CBLB: variants seen among roughly 807,000 people sequenced by gnomAD.
The protein encoded by CBLB is E3 ubiquitin-protein ligase CBL-B.
A neutral mutation model predicts 104.9 loss-of-function variants in CBLB; 31 were observed. The observed-to-expected ratio is 0.30, with a 90% CI of 0.22 to 0.40. The LOEUF (loss-of-function observed/expected upper bound fraction) is 0.40, where lower values mean the gene tolerates loss of function less well. Among genes scored for constraint, CBLB ranks in the 10% least tolerant of loss-of-function variants. The pLI is 1.00. For missense variants in CBLB, 1,062 were observed against 1,214.6 expected, an observed-to-expected ratio of 0.87 and a Z score of 1.87; for synonymous variants, 440 against 422.6, an observed-to-expected ratio of 1.04 and a Z score of -0.51.
intron 3 of CBLB, among the ~76,000 whole-genome samples, chr3:105,852,394 A>G (rs539703883): frequency 1.3e-5 from 2 of 152,310 alleles, no homozygotes; most frequent in East Asian, 3.9e-4. Context: ...AAAAGTTTAT[A>G]AAATTTTTTT....
chr3:105,817,102 C>T lies in CBLB; in HGVS notation c.419+36312G>A, dbSNP rs553917777. Among the ~76,000 whole-genome samples, 7 of 151,786 alleles carry T rather than the reference C, an allele frequency of 4.6e-5. No individual in the cohort carries two copies. In the East Asian group the frequency reaches 1.2e-3, roughly 25 times the overall value. ...CATGAAAATGAGAAGAAGACAAGTC[C>T]GTAGTAGTGAGAAATAAGACGGCAT... On this transcript the variant is annotated intron_variant, in intron 3 of 18. Transcript: ENST00000394030.
chr3:105,804,905 A>T (rs1322399229), intron 3 of CBLB, among the ~76,000 whole-genome samples: 1 of 152,098 alleles, frequency 6.6e-6, no homozygotes, highest in East Asian at 1.9e-4. Flanking sequence ...TCCCATCTCT[A>T]ATACCCTCCA....
At chr3:105,806,450 T>C (rs149852223) in intron 3 of CBLB, among the ~76,000 whole-genome samples, 113 of 125,894 alleles carry the variant, frequency 9.0e-4, no homozygotes, top group African/African-American at 3.1e-3. Flanking sequence ...TAACTATTTA[T>C]ATGGGTTTGT....
At chr3:105,762,567 T>C (rs973267565) in intron 4 of CBLB, among the ~76,000 whole-genome samples, 1 of 152,186 alleles carries the variant, frequency 6.6e-6, no homozygotes, top group Non-Finnish European at 1.5e-5. Flanking sequence ...TTCCACATGG[T>C]GTTTGAGCCT....
intron 4 of CBLB, among the ~76,000 whole-genome samples, chr3:105,771,986 AATACCATCAAC>A (rs1560171619): frequency 6.6e-6 from 1 of 152,172 alleles, no homozygotes. Context: ...TTCCCATCAA[AATACCATCAAC>A]ATTCTTCACA....
chr3:105,861,485 T>C (rs976164046), intron 2 of CBLB, among the ~76,000 whole-genome samples: 7 of 152,088 alleles, frequency 4.6e-5, no homozygotes, highest in Admixed American at 2.6e-4. Flanking sequence ...CCTGTGTAAG[T>C]GGAAGTTACA....
intron 17 of CBLB, chr3:105,673,747 T>C (rs1249141660): frequency 6.6e-6 from 1 of 152,228 alleles, no homozygotes; most frequent in Non-Finnish European, 1.5e-5. Flanking sequence ...GGAAACTTCT[T>C]TGTAGGATGA....
chr3:105,775,133 A>G (rs1490343099), intron 4 of CBLB, among the ~76,000 whole-genome samples: 1 of 152,248 alleles, frequency 6.6e-6, no homozygotes, highest in East Asian at 1.9e-4. Context: ...TATGAACATT[A>G]TAAATAACTA....
At chr3:105,769,192 C>T (rs375539408) in intron 4 of CBLB, among the ~76,000 whole-genome samples, 15 of 152,054 alleles carry the variant, frequency 9.9e-5, no homozygotes, top group African/African-American at 3.4e-4. Context: ...GTGGTGCATG[C>T]CTGTAATCCC....
At chr3:105,732,988 C>T (rs1330839551) in intron 9 of CBLB, among the ~76,000 whole-genome samples, 1 of 152,098 alleles carries the variant, frequency 6.6e-6, no homozygotes, top group Non-Finnish European at 1.5e-5. Context: ...TCAAAATATT[C>T]CATGACTCCT....
At chr3:105,728,816 C>T (rs2073983130) in intron 9 of CBLB, among the ~76,000 whole-genome samples, 1 of 152,114 alleles carries the variant, frequency 6.6e-6, no homozygotes, top group Non-Finnish European at 1.5e-5. Flanking sequence ...CATCTGACAC[C>T]TCTTCAGAGG....
chr3:105,684,481 A>G (rs1240997871), intron 14 of CBLB, among the ~76,000 whole-genome samples: 2 of 152,178 alleles, frequency 1.3e-5, no homozygotes, highest in African/African-American at 4.8e-5. Flanking sequence ...CTTCCAAGTC[A>G]AAGACCAAGG....
chr3:105,703,946 C>G, intron 11 of CBLB, 42 bp downstream of exon 11: 1 of 1,564,334 alleles, frequency 6.4e-7, no homozygotes, highest in African/African-American at 1.4e-5. Context: ...CAATAATTGT[C>G]TTACAAAATT....
At chr3:105,736,987 C>T (rs1244859143) in intron 8 of CBLB, among the ~76,000 whole-genome samples, 184 bp downstream of exon 8, 1 of 152,052 alleles carries the variant, frequency 6.6e-6, no homozygotes, top group Non-Finnish European at 1.5e-5. Flanking sequence ...ATTTTAACAG[C>T]ATAAATTTGT....
intron 18 of CBLB, among the ~76,000 whole-genome samples, chr3:105,669,288 C>T (rs978152745): frequency 5.9e-5 from 9 of 152,136 alleles, no homozygotes; most frequent in African/African-American, 1.9e-4. Flanking sequence ...CAGGGGAAGC[C>T]CTCATGAAAG....
intron 7 of CBLB, among the ~76,000 whole-genome samples, chr3:105,739,591 T>A (rs1235514861): frequency 6.6e-6 from 1 of 152,116 alleles, no homozygotes; most frequent in Admixed American, 6.5e-5. Flanking sequence ...GGGGGAGAAT[T>A]CATTATTAAT....
chr3:105,801,571 T>C (rs1467315237), intron 3 of CBLB, among the ~76,000 whole-genome samples: 1 of 152,252 alleles, frequency 6.6e-6, no homozygotes, highest in African/African-American at 2.4e-5. Context: ...CCCACATCAC[T>C]GCATTCATTT....
At chr3:105,689,764 T>C (rs896308669) in intron 13 of CBLB, among the ~76,000 whole-genome samples, 1 of 151,876 alleles carries the variant, frequency 6.6e-6, no homozygotes, top group African/African-American at 2.4e-5. Context: ...AGGATTATTT[T>C]GTTCTCCCTC....
intron 3 of CBLB, among the ~76,000 whole-genome samples, chr3:105,790,947 T>G (rs867990279): frequency 1.4e-4 from 21 of 152,168 alleles, no homozygotes; most frequent in African/African-American, 5.1e-4. Context: ...TGCTCAGGAA[T>G]TCAGAGGTCT....
Sources: gnomAD v4.1 joint callset for allele counts (sites outside exome capture counted in the v4.1 genomes callset) on GRCh38, gnomAD v4.1.1 for gene constraint, MANE v1.5 for transcripts, NCBI Gene and HGNC (gene_info 2026-07-23, HGNC 2026-07-21) for gene names.